The following PITRM1 variants were observed in gnomAD, a reference collection of about 807,000 sequenced individuals.
PITRM1 encodes pitrilysin metallopeptidase 1.
PITRM1 carries 100 observed loss-of-function variants against 129.9 expected under a neutral mutation model. That is an observed-to-expected ratio of 0.77 (90% CI 0.65 to 0.91). PITRM1 has a LOEUF of 0.91. PITRM1 is among the 40% of genes least tolerant of loss of function. PITRM1 has a pLI of 0.00. For missense variants in PITRM1, 1,471 were observed against 1,318.3 expected, an observed-to-expected ratio of 1.12 and a Z score of -1.79; for synonymous variants, 591 against 508.8, an observed-to-expected ratio of 1.16 and a Z score of -2.17.
intron 2 of PITRM1, 23 bp from the exon 3 acceptor site, chr10:3,167,065 A>G: frequency 6.9e-7 from 1 of 1,451,616 alleles, no homozygotes; most frequent in Non-Finnish European, 9.5e-7. Flanking sequence ...GAAAAACACG[A>G]CCAGTTAAAC....
At chr10:3,149,866 T>TTA in intron 15 of PITRM1, 113 bp from the exon 16 acceptor site, 1 of 1,086,946 alleles carries the variant, frequency 9.2e-7, no homozygotes, top group South Asian at 1.4e-5. Flanking sequence ...GTTTAAGACT[T>TTA]ATACTAGAGT....
chr10:3,147,719 C>T lies in PITRM1; in HGVS notation c.2088G>A (p.Glu696=), dbSNP rs956656767. 3 of 1,596,810 alleles carry T rather than the reference C, an allele frequency of 1.9e-6. No homozygotes were observed. The highest frequency in any genetic ancestry group is 1.8e-5 in the Admixed American group (1 of 55,540). The change falls in exon 19 of 27, where the codon GAG becomes GAA. Residue 696 remains glutamate, a synonymous_variant. Coordinates refer to ENST00000224949, the MANE Select transcript of PITRM1 (RefSeq NM_014889.4). The part of the protein sequence containing the change: ...EIFNNPCFEE[E]EHFKVLVKMT... ...TCTTCACCAGCACCTTGAAGTGCTC[C>T]TCTTCTTCAAAGCACGGGCTATGGA... is the stretch of plus-strand genomic sequence containing the variant.
chr10:3,151,450 C>G, intron 14 of PITRM1, 87 bp from the exon 15 acceptor site: 2 of 809,088 alleles, frequency 2.5e-6, no homozygotes, highest in Non-Finnish European at 4.2e-6. Flanking sequence ...ATCTTAACAT[C>G]CAGAATTAGC....
chr10:3,150,583 C>T (rs867040883), intron 15 of PITRM1, among the ~76,000 whole-genome samples: 5 of 152,294 alleles, frequency 3.3e-5, no homozygotes, highest in South Asian at 2.1e-4. Flanking sequence ...CGGCCACACC[C>T]GCTGGTAAGC....
At chr10:3,145,544 T>C (rs967592508) in intron 21 of PITRM1, 52 bp downstream of exon 21, 3 of 1,503,778 alleles carry the variant, frequency 2.0e-6, no homozygotes, top group Non-Finnish European at 2.7e-6. Context: ...ACATGAGAGC[T>C]GCTCTGGCAC....
intron 14 of PITRM1, among the ~76,000 whole-genome samples, chr10:3,154,810 T>C (rs1189553320): frequency 6.6e-6 from 1 of 152,148 alleles, no homozygotes; most frequent in Non-Finnish European, 1.5e-5. Context: ...TTCTCTCCCG[T>C]GGCCTCCTCC....
chr10:3,138,614 G>A (rs1405804074), intron 25 of PITRM1: 20 of 604,336 alleles, frequency 3.3e-5, no homozygotes, highest in East Asian at 2.2e-4. Context: ...AGAGAGTAAC[G>A]TGGCCATGCC....
intron 16 of PITRM1, chr10:3,148,662 A>AC (rs1251068183): frequency 5.7e-6 from 1 of 175,504 alleles, no homozygotes; most frequent in Non-Finnish European, 1.2e-5. Flanking sequence ...CGTGATACAT[A>AC]CTTCCTTTGT....
intron 14 of PITRM1, among the ~76,000 whole-genome samples, chr10:3,153,549 G>C (rs1044620912): frequency 5.3e-5 from 8 of 151,944 alleles, no homozygotes; most frequent in African/African-American, 1.9e-4. Flanking sequence ...AATCCGGGAG[G>C]GGGAGCTTGC....
rs572092794 is a variant in PITRM1, at chr10:3,172,745, G to T, written c.28C>A (p.Leu10Met). Residue 10 changes from leucine (L) to methionine (M), a missense_variant, in exon 1 of 27, where the codon CTG (leucine) becomes ATG (methionine). Leu to Met is a conservative substitution (Grantham distance 15). Coordinates refer to ENST00000224949, the MANE Select transcript of PITRM1 (RefSeq NM_014889.4). MWRCGGRQG[L>M]CVLRRLSGGH... ...CCGCTCAGCCGCCTCAGCACACACA[G>T]GCCCTGCCGCCCGCCGCAGCGCCAC... The T allele has an allele frequency of 5.4e-5, 83 of 1,545,804 alleles. No homozygotes were observed. Among genetic ancestry groups the T allele is most frequent in the Non-Finnish European group, 7.0e-5 (80 of 1,145,426 alleles).
rs140805571 is a variant in PITRM1, at chr10:3,169,457, C to T, written c.159+647G>A. On this transcript the variant is annotated intron_variant, in intron 2 of 26. Transcript: ENST00000224949. ...TCCACCATGTGCCTCCGGTCACAGC[C>T]GCAGCAGTCTTTCTAGACAGTAAGC... Among the ~76,000 whole-genome samples the T allele has an allele frequency of 3.9e-5, 6 of 152,302 alleles. No individual in the cohort carries two copies. The South Asian group carries it at 6.2e-4, about 16-fold the overall frequency.
In PITRM1 at chr10:3,138,272, C is replaced by G; in HGVS notation, c.2983G>C (p.Ala995Pro). 6.2e-7 allele frequency: 1 copy of G among 1,613,892 alleles called. No individual in the cohort carries two copies. ...GCCAGGAGCTTGTCGTGGCTGACAG[C>G]AAAGAGCTGCTCTCTGTGGGCCTGC... ...MKQAHREQLF[A>P]VSHDKLLAVS... The change falls in exon 26 of 27, where the codon GCT becomes CCT. Residue 995 changes from alanine to proline, a missense_variant. Transcript: ENST00000224949.
Position 3,166,307 on chromosome 10 carries a change from A to G in PITRM1, c.340T>C (p.Ser114Pro). Residue 114 changes from serine (S) to proline (P), a missense_variant, in exon 4 of 27, where the codon TCT becomes CCT. Coordinates refer to ENST00000224949, the MANE Select transcript of PITRM1 (RefSeq NM_014889.4). ...HILEHTVLCG[S>P]QKYPCRDPFF... ...GGGTCTCTGCACGGATATTTCTGAG[A>G]CCCACAAAGGACGGTATGCTCAAGA... 6.2e-7 allele frequency: 1 copy of G among 1,613,516 alleles called. No individual in the cohort carries two copies. The highest frequency in any genetic ancestry group is 8.5e-7 in the Non-Finnish European group (1 of 1,179,518).
intron 2 of PITRM1, among the ~76,000 whole-genome samples, chr10:3,168,915 T>TACACACAC (rs61366911): frequency 7.0e-5 from 10 of 142,950 alleles, no homozygotes; most frequent in Admixed American, 4.2e-4. Flanking sequence ...AGTTTCCATC[T>TACACACAC]ACACACACAC....
chr10:3,165,575 T>G (rs778093372), intron 4 of PITRM1, 48 bp from the exon 5 acceptor site: 3 of 1,098,128 alleles, frequency 2.7e-6, no homozygotes, highest in Non-Finnish European at 2.7e-6. Context: ...AGATTTCTAC[T>G]AAAATTATTG....
In PITRM1 at chr10:3,140,830, T is replaced by C. The variant is rs375350743; in HGVS notation, c.2646-18A>G. 6.4e-7 allele frequency: 1 copy of C among 1,557,006 alleles called. No homozygotes were observed. The highest frequency in any genetic ancestry group is 8.7e-7 in the Non-Finnish European group (1 of 1,145,328). ...TTTTAAGACTGAAATGATTAAAAAA[T>C]GCAAGTTAATACCGTGGCTGATAAA... On this transcript the variant is annotated intron_variant, in intron 23 of 26. Transcript: ENST00000224949.
intron 24 of PITRM1, among the ~76,000 whole-genome samples, chr10:3,139,727 A>C (rs981866152): frequency 6.6e-6 from 1 of 152,138 alleles, no homozygotes; most frequent in African/African-American, 2.4e-5. Context: ...GCAGTGGCGC[A>C]ATCTGCTCAC....
Position 3,138,081 on chromosome 10 carries a change from C to G in PITRM1, c.3064G>C (p.Gly1022Arg), listed in dbSNP as rs761549053. ...GKSTHGLAILGPENPKIAKDP... is the reference protein window; with the variant it reads ...GKSTHGLAILRPENPKIAKDP... Reference sequence around the variant, plus strand: ...TTGGCAATTTTCGGGTTCTCGGGTCCGAGGATGGCCAGGCCGTGTGTGCTC... The same window carrying G: ...TTGGCAATTTTCGGGTTCTCGGGTCGGAGGATGGCCAGGCCGTGTGTGCTC... Residue 1022 changes from glycine (G) to arginine (R), a missense_variant, in exon 27 of 27, where the codon GGA (glycine) becomes CGA (arginine). By Grantham distance (125) the Gly-to-Arg change is moderately radical (BLOSUM62 -2). Transcript: ENST00000224949. 1.2e-6 allele frequency: 2 copies of G among 1,610,568 alleles called. No homozygotes were observed. The highest frequency in any genetic ancestry group is 2.7e-5 in the African/African-American group (2 of 74,850).
intron 23 of PITRM1, chr10:3,141,746 G>T: frequency 2.2e-6 from 1 of 446,146 alleles, no homozygotes; most frequent in South Asian, 1.6e-5. Flanking sequence ...TCCTAAAGTG[G>T]ATGAAGGGAG....
Sources: gnomAD v4.1 joint callset for allele counts (sites outside exome capture counted in the v4.1 genomes callset) on GRCh38, gnomAD v4.1.1 for gene constraint, MANE v1.5 for transcripts, NCBI Gene and HGNC (gene_info 2026-07-23, HGNC 2026-07-21) for gene names.